DGKB: variants seen among roughly 807,000 people sequenced by gnomAD.
DGKB encodes diacylglycerol kinase beta.
In DGKB, 67 loss-of-function variants were observed where a neutral mutation model predicts 114.3. The observed-to-expected ratio is 0.59, with a 90% confidence interval of 0.48 to 0.72. DGKB has a LOEUF of 0.72. Ranked by LOEUF, DGKB falls within the 30% of genes least tolerant of loss-of-function variation. DGKB has a pLI of 0.00. For missense variants in DGKB, 907 were observed against 975.2 expected, an observed-to-expected ratio of 0.93 and a Z score of 0.93; for synonymous variants, 398 against 323.1, an observed-to-expected ratio of 1.23 and a Z score of -2.49.
rs181158155 is a variant in DGKB, at chr7:14,356,193, G to A, written c.1836-10802C>T. 3.3e-3 allele frequency among the ~76,000 whole-genome samples: 506 copies of A among 151,640 alleles called. 2 individuals are homozygous for A. The highest frequency in any genetic ancestry group is 6.9e-3 in the Middle Eastern group (2 of 290). On this transcript the variant is annotated intron_variant, in intron 21 of 25. Transcript: ENST00000402815. Reference sequence around the variant, plus strand: ...TTTCTTCTTTATTAGTCTTTCTAGCGGTCTATCAATTTTGTTGATCTTTTC... The same window carrying A: ...TTTCTTCTTTATTAGTCTTTCTAGCAGTCTATCAATTTTGTTGATCTTTTC...
rs139143125 is a variant in DGKB, at chr7:14,571,768, C to A, written c.1770+2444G>T. On this transcript the variant is annotated intron_variant, in intron 20 of 25. Coordinates refer to ENST00000402815, the MANE Select transcript of DGKB (RefSeq NM_001350709.2). ...GTATTCTTCAGTGACCATATGGATGCGATGACAAAGAAAAGAAGACTTACT... is the reference window on the plus strand; with the variant it reads ...GTATTCTTCAGTGACCATATGGATGAGATGACAAAGAAAAGAAGACTTACT... 3.0e-4 allele frequency among the ~76,000 whole-genome samples: 45 copies of A among 152,232 alleles called. No homozygotes were observed. In the East Asian group the frequency reaches 7.9e-3, roughly 27 times the overall value.
At chr7:14,788,689 A>G (rs1425980264) in intron 2 of DGKB, among the ~76,000 whole-genome samples, 2 of 151,928 alleles carry the variant, frequency 1.3e-5, no homozygotes, top group Non-Finnish European at 1.5e-5. Flanking sequence ...AAACACAATC[A>G]AGTTTCTTGC....
intron 17 of DGKB, among the ~76,000 whole-genome samples, chr7:14,590,155 T>C (rs1801460492): frequency 2.9e-5 from 1 of 34,186 alleles, no homozygotes; most frequent in Non-Finnish European, 7.8e-5. Context: ...AAACTTAAAG[T>C]ATAATAATAA....
chr7:14,944,872 A>G (rs1473733996), intron 1 of DGKB, among the ~76,000 whole-genome samples: 1 of 151,870 alleles, frequency 6.6e-6, no homozygotes, highest in Non-Finnish European at 1.5e-5. Context: ...TAAGTATATC[A>G]TAAGGTAATA....
chr7:14,749,057 TTAAC>T (rs576005199), intron 4 of DGKB, among the ~76,000 whole-genome samples: 66 of 152,304 alleles, frequency 4.3e-4, no homozygotes, highest in African/African-American at 1.5e-3. Flanking sequence ...ATTTATATCA[TTAAC>T]TAATTATATC....
intron 1 of DGKB, among the ~76,000 whole-genome samples, chr7:14,890,748 C>A (rs1371033600): frequency 6.6e-6 from 1 of 151,184 alleles, no homozygotes; most frequent in Non-Finnish European, 1.5e-5. Flanking sequence ...CTGTTTACTT[C>A]CTATAAGACC....
intron 21 of DGKB, among the ~76,000 whole-genome samples, chr7:14,385,604 T>G (rs994696261): frequency 5.3e-5 from 8 of 152,202 alleles, no homozygotes; most frequent in Non-Finnish European, 8.8e-5. Context: ...TTTAACCCTC[T>G]TTTTCTGTGT....
At chr7:14,620,557 G>A in intron 15 of DGKB, among the ~76,000 whole-genome samples, 1 of 151,614 alleles carries the variant, frequency 6.6e-6, no homozygotes, top group Non-Finnish European at 1.5e-5. Context: ...TAAATTGTTG[G>A]TAAATATTCC....
At chr7:14,689,272 C>T (rs1220258131) in intron 9 of DGKB, among the ~76,000 whole-genome samples, 2 of 133,148 alleles carry the variant, frequency 1.5e-5, no homozygotes, top group African/African-American at 5.6e-5. Context: ...GTGGCGCGAT[C>T]TCGGCTCACT....
intron 6 of DGKB, among the ~76,000 whole-genome samples, chr7:14,714,514 A>G (rs1367276639): frequency 1.3e-5 from 2 of 152,268 alleles, no homozygotes; most frequent in East Asian, 3.9e-4. Context: ...GAAGAGAAAC[A>G]GAAAAAAAAT....
intron 1 of DGKB, among the ~76,000 whole-genome samples, chr7:14,962,618 C>CTG (rs369017205): frequency 6.5e-4 from 91 of 140,526 alleles, no homozygotes; most frequent in African/African-American, 1.7e-3. Context: ...ATAGCTATAG[C>CTG]TGTGTGTGTG....
chr7:14,914,104 G>A (rs1322509656), intron 1 of DGKB, among the ~76,000 whole-genome samples: 1 of 152,146 alleles, frequency 6.6e-6, no homozygotes, highest in Admixed American at 6.6e-5. Flanking sequence ...GGAAATTAAT[G>A]ATTTTGAAAT....
Position 14,521,040 on chromosome 7 carries a change from C to T in DGKB, c.1771-42815G>A, listed in dbSNP as rs181034619. Among the ~76,000 whole-genome samples the T allele has an allele frequency of 1.2e-3, 176 of 151,950 alleles. 1 individual carries two copies. The highest frequency in any genetic ancestry group is 4.2e-3 in the African/African-American group (173 of 41,450). ...ATATGTTATTCCACTATCTTTTGGC[C>T]TTTGTTGTTTCTGATTAGATGTCAG... is the stretch of plus-strand genomic sequence containing the variant. On this transcript the variant is annotated intron_variant, in intron 20 of 25. Transcript: ENST00000402815.
At chr7:14,972,290 T>G (rs1787514176) in intron 1 of DGKB, among the ~76,000 whole-genome samples, 1 of 152,122 alleles carries the variant, frequency 6.6e-6, no homozygotes, top group African/African-American at 2.4e-5. Flanking sequence ...GAATTCCTCA[T>G]GTACTCTAAA....
chr7:14,817,752 C>T (rs1477792327), intron 2 of DGKB, among the ~76,000 whole-genome samples: 1 of 152,230 alleles, frequency 6.6e-6, no homozygotes, highest in East Asian at 1.9e-4. Context: ...ATTGTCAAAA[C>T]CAATTGTCTA....
At chr7:14,219,321 G>T (rs374745037) in intron 23 of DGKB, among the ~76,000 whole-genome samples, 1 of 151,790 alleles carries the variant, frequency 6.6e-6, no homozygotes, top group Non-Finnish European at 1.5e-5. Flanking sequence ...CTAAATCTAT[G>T]TTTAGCCATT....
At chr7:14,165,166 A>G (rs1191029841) in intron 25 of DGKB, among the ~76,000 whole-genome samples, 3 of 152,170 alleles carry the variant, frequency 2.0e-5, no homozygotes, top group Non-Finnish European at 4.4e-5. Flanking sequence ...TTTTAACCTC[A>G]GACTACATTG....
intron 23 of DGKB, among the ~76,000 whole-genome samples, chr7:14,232,404 G>C (rs1032699874): frequency 1.1e-4 from 16 of 150,908 alleles, no homozygotes; most frequent in African/African-American, 3.2e-4. Flanking sequence ...AATCTCTTCA[G>C]GGGTTAAAGG....
intron 23 of DGKB, among the ~76,000 whole-genome samples, chr7:14,267,574 C>T (rs1486902186): frequency 2.6e-5 from 4 of 151,756 alleles, no homozygotes; most frequent in Middle Eastern, 3.4e-3. Flanking sequence ...CTGCAAGCTC[C>T]ACCTCCTGGG....
Sources: allele counts gnomAD v4.1 joint callset (sites outside exome capture counted in the v4.1 genomes callset), GRCh38; gene constraint gnomAD v4.1.1; transcripts MANE v1.5; gene names NCBI Gene and HGNC (gene_info 2026-07-23, HGNC 2026-07-21).